Variants in SUPT3H observed in about 807,000 individuals in gnomAD.
SUPT3H encodes the protein transcription initiation protein SPT3 homolog.
A neutral mutation model predicts 44.3 loss-of-function variants in SUPT3H; 44 were observed. The ratio of observed to expected loss-of-function variants is 0.99; its 90% confidence interval spans 0.78 to 1.28. The LOEUF is 1.28. Among genes scored for constraint, SUPT3H ranks in the 50% most tolerant of loss-of-function variants. The pLI, the probability that SUPT3H is intolerant of heterozygous loss-of-function variation, is 0.00. For synonymous variants in SUPT3H, 124 were observed against 125.6 expected, an observed-to-expected ratio of 0.99 and a Z score of 0.09; for missense variants, 380 against 387.1, an observed-to-expected ratio of 0.98 and a Z score of 0.15.
At chr6:44,988,244 T>A (rs1158745939) in intron 6 of SUPT3H, among the ~76,000 whole-genome samples, 1 of 151,948 alleles carries the variant, frequency 6.6e-6, no homozygotes, top group African/African-American at 2.4e-5. Flanking sequence ...ATCTAGAAGA[T>A]ACTTGAAAAT....
At chr6:45,267,763 G>A (rs1704151205) in intron 2 of SUPT3H, among the ~76,000 whole-genome samples, 1 of 152,036 alleles carries the variant, frequency 6.6e-6, no homozygotes, top group Non-Finnish European at 1.5e-5. Context: ...GGCCTTACAA[G>A]GACTTAAGAG....
chr6:45,183,189 T>G (rs993570253), intron 2 of SUPT3H, among the ~76,000 whole-genome samples: 1 of 152,228 alleles, frequency 6.6e-6, no homozygotes, highest in Non-Finnish European at 1.5e-5. Context: ...TTGAGGACAC[T>G]GTACTAAGTA....
At chr6:44,998,349 T>G (rs983484652) in intron 6 of SUPT3H, among the ~76,000 whole-genome samples, 1 of 151,920 alleles carries the variant, frequency 6.6e-6, no homozygotes, top group Non-Finnish European at 1.5e-5. Context: ...AATTACACAT[T>G]TATATTTTCT....
intron 10 of SUPT3H, among the ~76,000 whole-genome samples, chr6:44,877,757 T>C (rs1400749368): frequency 6.6e-6 from 1 of 152,202 alleles, no homozygotes; most frequent in Non-Finnish European, 1.5e-5. Context: ...TTGTCAGTGA[T>C]GTAGACATTG....
At chr6:45,296,892 C>CAG (rs1746445766) in intron 2 of SUPT3H, among the ~76,000 whole-genome samples, 1 of 145,574 alleles carries the variant, frequency 6.9e-6, no homozygotes, top group African/African-American at 2.6e-5. Flanking sequence ...CCACTGCACT[C>CAG]TGCATTCCAG....
Position 45,297,378 on chromosome 6 carries a change from G to T in SUPT3H, c.101+67823C>A, listed in dbSNP as rs143200394. ...CTGTCTCATAGGCATAACAAAGCTA[G>T]ATTTTCCTTCACCAGTGTGTCAGAT... is the stretch of plus-strand genomic sequence containing the variant. On this transcript the variant is annotated intron_variant, in intron 2 of 10. Transcript: ENST00000371459. 2.6e-5 allele frequency among the ~76,000 whole-genome samples: 4 copies of T among 152,306 alleles called. No homozygotes were observed. In the East Asian group the frequency reaches 7.7e-4, roughly 29 times the overall value.
chr6:45,349,211 ATATT>A (rs988304494), intron 2 of SUPT3H, among the ~76,000 whole-genome samples: 7 of 152,164 alleles, frequency 4.6e-5, no homozygotes, highest in African/African-American at 1.7e-4. Context: ...CTACTTCTAC[ATATT>A]TAAAGTCACA....
intron 2 of SUPT3H, among the ~76,000 whole-genome samples, chr6:45,134,611 C>A (rs1254367365): frequency 6.6e-6 from 1 of 151,356 alleles, no homozygotes; most frequent in East Asian, 1.9e-4. Flanking sequence ...ACAAGTACTG[C>A]AAAAATAAAA....
intron 2 of SUPT3H, among the ~76,000 whole-genome samples, chr6:45,168,562 A>C (rs1044688525): frequency 6.6e-6 from 1 of 152,164 alleles, no homozygotes; most frequent in Non-Finnish European, 1.5e-5. Flanking sequence ...AATGACTGAG[A>C]CCTGTCTCAG....
At chr6:45,265,770 T>C (rs1775148987) in intron 2 of SUPT3H, among the ~76,000 whole-genome samples, 1 of 152,056 alleles carries the variant, frequency 6.6e-6, no homozygotes, top group Non-Finnish European at 1.5e-5. Flanking sequence ...ATTATGCCAT[T>C]TGGATAGAGG....
intron 10 of SUPT3H, among the ~76,000 whole-genome samples, chr6:44,915,897 T>C (rs1202076660): frequency 6.6e-6 from 1 of 152,128 alleles, no homozygotes; most frequent in Non-Finnish European, 1.5e-5. Context: ...CCCAACCACC[T>C]TGGACATATG....
At position 45,216,268 on chromosome 6, in the gene SUPT3H, A is replaced by G. The variant is rs565718293; in HGVS notation, c.102-110262T>C. Among the ~76,000 whole-genome samples the G allele has an allele frequency of 3.9e-5, 6 of 152,036 alleles. No homozygotes were observed. In the South Asian group the frequency reaches 1.0e-3, roughly 26 times the overall value. ...AAAGGATGGTAACTACCATCATGAA[A>G]ACACACAAAGTATAAAACTCACTGA... is the stretch of plus-strand genomic sequence containing the variant. On this transcript the variant is annotated intron_variant, in intron 2 of 10. Transcript: ENST00000371459.
At chr6:45,165,807 G>A (rs1253875021) in intron 2 of SUPT3H, among the ~76,000 whole-genome samples, 2 of 151,532 alleles carry the variant, frequency 1.3e-5, no homozygotes, top group African/African-American at 4.9e-5. Context: ...GATAAACAAA[G>A]GGGAAAAAAA....
At chr6:44,953,178 T>A (rs1295252408) in intron 9 of SUPT3H, 132 bp downstream of exon 9, 1 of 664,776 alleles carries the variant, frequency 1.5e-6, no homozygotes, top group African/African-American at 1.8e-5. Flanking sequence ...TATTTGAATG[T>A]CTAATGTATT....
chr6:45,123,486 A>T (rs1583667999), intron 2 of SUPT3H, among the ~76,000 whole-genome samples: 1 of 151,004 alleles, frequency 6.6e-6, no homozygotes, highest in African/African-American at 2.4e-5. Flanking sequence ...TGATCCTCCC[A>T]CCTAGGCCTC....
intron 3 of SUPT3H, among the ~76,000 whole-genome samples, chr6:45,102,542 A>C (rs1405152216): frequency 1.3e-5 from 2 of 152,288 alleles, no homozygotes; most frequent in African/African-American, 2.4e-5. Context: ...TGCAAAAAAA[A>C]CCCCAAAAGA....
chr6:44,917,048 G>GAA (rs1767924361), intron 10 of SUPT3H, among the ~76,000 whole-genome samples: 1 of 152,098 alleles, frequency 6.6e-6, no homozygotes, highest in Non-Finnish European at 1.5e-5. Flanking sequence ...CAGCTATTTG[G>GAA]GAGGCTGAGG....
chr6:45,122,181 C>T (rs143802756), intron 2 of SUPT3H, among the ~76,000 whole-genome samples: 5 of 152,142 alleles, frequency 3.3e-5, no homozygotes, highest in African/African-American at 1.2e-4. Flanking sequence ...AATGCTAGAG[C>T]CTACAATAAT....
At chr6:45,265,448 C>T (rs80027265) in intron 2 of SUPT3H, among the ~76,000 whole-genome samples, 3,670 of 152,166 alleles carry the variant, frequency 0.024, 151 homozygotes, top group African/African-American at 0.082. Flanking sequence ...TGAGTCTAGT[C>T]CGGCTAGGTC....
Sources: gnomAD v4.1 joint callset for allele counts (sites outside exome capture counted in the v4.1 genomes callset) on GRCh38, gnomAD v4.1.1 for gene constraint, MANE v1.5 for transcripts, NCBI Gene and HGNC (gene_info 2026-07-23, HGNC 2026-07-21) for gene names.